The following EIF3J variants were observed in gnomAD, a reference collection of about 807,000 sequenced individuals.
The protein encoded by EIF3J is eukaryotic translation initiation factor 3 subunit J.
A neutral mutation model predicts 39.0 loss-of-function variants in EIF3J; 15 were observed. The observed-to-expected ratio is 0.38, with a 90% CI of 0.26 to 0.59. EIF3J has a LOEUF of 0.59. Among genes scored for constraint, EIF3J ranks in the 20% least tolerant of loss-of-function variants. EIF3J has a pLI of 0.60. For synonymous variants in EIF3J, 98 were observed against 112.9 expected, an observed-to-expected ratio of 0.87 and a Z score of 0.84; for missense variants, 226 against 308.6, an observed-to-expected ratio of 0.73 and a Z score of 2.00.
At chr15:44,560,920 A>G in intron 7 of EIF3J, 98 bp from the exon 8 acceptor site, 2 of 1,495,654 alleles carry the variant, frequency 1.3e-6, no homozygotes, top group Non-Finnish European at 1.8e-6. Flanking sequence ...TGTTTCTGGG[A>G]CCAAAGGTTT....
At chr15:44,552,287 A>C (rs886416575) in intron 4 of EIF3J, among the ~76,000 whole-genome samples, 2 of 151,820 alleles carry the variant, frequency 1.3e-5, no homozygotes, top group Non-Finnish European at 2.9e-5. Flanking sequence ...TCACTCCGTT[A>C]CCTAGGCTGG....
chr15:44,545,656 C>T (rs2082047173), intron 2 of EIF3J, among the ~76,000 whole-genome samples: 2 of 151,976 alleles, frequency 1.3e-5, no homozygotes, highest in South Asian at 2.1e-4. Flanking sequence ...TTGTAATTAC[C>T]ATTTCATCAC....
chr15:44,555,298 G>A (rs947262762), intron 5 of EIF3J, among the ~76,000 whole-genome samples: 4 of 152,140 alleles, frequency 2.6e-5, no homozygotes, highest in Non-Finnish European at 4.4e-5. Context: ...CCAAGTTATC[G>A]TTACCTGTTG....
intron 2 of EIF3J, among the ~76,000 whole-genome samples, chr15:44,542,741 C>T (rs2082023191): frequency 1.3e-5 from 2 of 152,212 alleles, no homozygotes; most frequent in Non-Finnish European, 2.9e-5. Flanking sequence ...GGGTGTGTAT[C>T]TGCAGGGCAA....
At chr15:44,538,983 G>T (rs1466580553) in intron 2 of EIF3J, among the ~76,000 whole-genome samples, 1 of 152,028 alleles carries the variant, frequency 6.6e-6, no homozygotes, top group South Asian at 2.1e-4. Flanking sequence ...AACTTCCTTG[G>T]GATTAAGGGA....
At chr15:44,545,670 A>T (rs912471024) in intron 2 of EIF3J, among the ~76,000 whole-genome samples, 11 of 152,200 alleles carry the variant, frequency 7.2e-5, no homozygotes, top group Non-Finnish European at 1.5e-4. Flanking sequence ...TCATCACTTT[A>T]AACATTTATC....
At chr15:44,543,905 G>A (rs760993160) in intron 2 of EIF3J, among the ~76,000 whole-genome samples, 1 of 151,740 alleles carries the variant, frequency 6.6e-6, no homozygotes, top group Non-Finnish European at 1.5e-5. Context: ...GTGGGGTGGG[G>A]GTTATGTTTT....
chr15:44,537,464 G>A (rs762226331), intron 2 of EIF3J, 37 bp downstream of exon 2: 4 of 1,470,756 alleles, frequency 2.7e-6, no homozygotes, highest in South Asian at 1.4e-5. Context: ...GCGCGGAAGC[G>A]GGCTGGCGCT....
intron 2 of EIF3J, among the ~76,000 whole-genome samples, chr15:44,546,494 T>C (rs776987659): frequency 1.3e-5 from 2 of 152,228 alleles, no homozygotes; most frequent in Non-Finnish European, 2.9e-5. Flanking sequence ...TGTCGTGTTA[T>C]GAAACCAGAA....
At chr15:44,539,682 G>C (rs930327496) in intron 2 of EIF3J, among the ~76,000 whole-genome samples, 3 of 150,968 alleles carry the variant, frequency 2.0e-5, no homozygotes, top group Non-Finnish European at 2.9e-5. Flanking sequence ...TTACAGGCGT[G>C]AGCCACCACA....
intron 4 of EIF3J, among the ~76,000 whole-genome samples, chr15:44,553,456 C>T (rs1367246695): frequency 3.3e-5 from 5 of 151,258 alleles, no homozygotes; most frequent in Admixed American, 6.6e-5. Flanking sequence ...CGCACCACTG[C>T]ACTCCAGCCC....
intron 2 of EIF3J, among the ~76,000 whole-genome samples, chr15:44,548,937 T>C (rs1314712344): frequency 6.6e-6 from 1 of 152,024 alleles, no homozygotes; most frequent in Non-Finnish European, 1.5e-5. Context: ...TTTTAATAAA[T>C]GATGCTGTGA....
At chr15:44,555,271 G>A (rs1479731725) in intron 5 of EIF3J, among the ~76,000 whole-genome samples, 1 of 152,190 alleles carries the variant, frequency 6.6e-6, no homozygotes. Context: ...AATAGTCAAA[G>A]CCCTCGCTTC....
chr15:44,554,375 T>TAAAAA lies in EIF3J; in HGVS notation c.295-157_295-153dup, dbSNP rs59415615. 1.1e-4 allele frequency among the ~76,000 whole-genome samples: 7 copies of TAAAAA among 61,890 alleles called. No homozygotes were observed. The East Asian group carries it at 3.4e-3, about 30-fold the overall frequency. 40.6% of individuals were successfully genotyped at this position (61,890 alleles called of 152,430 possible). ...CTTGGTGGCAGAGTGAGGCTCTGTC[T>TAAAAA]AAAAAAAAAAAAAAAAAAAAAAAAA... On this transcript the variant is annotated intron_variant, in intron 4 of 7. Coordinates refer to ENST00000261868, the MANE Select transcript of EIF3J (RefSeq NM_003758.4).
intron 5 of EIF3J, 24 bp from the exon 6 acceptor site, chr15:44,557,465 T>A: frequency 6.7e-7 from 1 of 1,487,948 alleles, no homozygotes. Context: ...CCTGATACTT[T>A]TCAGTGCTTC....
At chr15:44,537,489 CTG>C (rs2081969087) in intron 2 of EIF3J, 62 bp downstream of exon 2, 1 of 1,427,048 alleles carries the variant, frequency 7.0e-7, no homozygotes, top group Admixed American at 3.1e-5. Context: ...CCGGCCGACT[CTG>C]GGCCCCGGGT....
chr15:44,550,211 C>G lies in EIF3J; in HGVS notation c.148-665C>G, dbSNP rs144917757. The stretch of plus-strand genomic sequence containing the variant: ...TACCTGTAAAACCCTAGAGAAGCAA[C>G]GATAAATCTAACTTAAGTGATAAAT... On this transcript the variant is annotated intron_variant, in intron 2 of 7. Coordinates refer to ENST00000261868, the MANE Select transcript of EIF3J (RefSeq NM_003758.4). 7.9e-3 allele frequency among the ~76,000 whole-genome samples: 1,200 copies of G among 152,196 alleles called. 5 individuals are homozygous for G. Among genetic ancestry groups the G allele is most frequent in the Middle Eastern group, 0.037 (11 of 294 alleles).
chr15:44,557,874 G>A (rs2082158192), intron 6 of EIF3J: 2 of 289,242 alleles, frequency 6.9e-6, no homozygotes, highest in Non-Finnish European at 1.3e-5. Flanking sequence ...TTTTACAATG[G>A]CTTCCCTAAG....
chr15:44,546,803 A>G (rs2082056085), intron 2 of EIF3J, among the ~76,000 whole-genome samples: 1 of 150,792 alleles, frequency 6.6e-6, no homozygotes, highest in African/African-American at 2.4e-5. Context: ...CATAGAAAAA[A>G]CAGAGTATAG....
Sources: gnomAD v4.1 joint callset for allele counts (sites outside exome capture counted in the v4.1 genomes callset) on GRCh38, gnomAD v4.1.1 for gene constraint, MANE v1.5 for transcripts, NCBI Gene and HGNC (gene_info 2026-07-23, HGNC 2026-07-21) for gene names.